The following ROBO2 variants were observed in gnomAD, a reference collection of about 807,000 sequenced individuals.
The protein encoded by ROBO2 is roundabout homolog 2.
A neutral mutation model predicts 160.8 loss-of-function variants in ROBO2; 53 were observed. That is an observed-to-expected ratio of 0.33 (90% CI 0.26 to 0.41). The LOEUF (loss-of-function observed/expected upper bound fraction) is 0.41, where lower values mean the gene tolerates loss of function less well. ROBO2 is among the 10% of genes least tolerant of loss of function. ROBO2 has a pLI of 1.00. For synonymous variants in ROBO2, 664 were observed against 611.7 expected (o/e 1.09, Z -1.26); for missense variants, 1,577 against 1,722.4 (o/e 0.92, Z 1.49).
intron 2 of ROBO2, among the ~76,000 whole-genome samples, chr3:77,425,095 T>C (rs1330942268): frequency 6.6e-6 from 1 of 151,968 alleles, no homozygotes; most frequent in Non-Finnish European, 1.5e-5. Flanking sequence ...AATTGGTAAA[T>C]ATTTTCTCTA....
chr3:77,370,227 C>T (rs1006735526), intron 2 of ROBO2, among the ~76,000 whole-genome samples: 4 of 152,168 alleles, frequency 2.6e-5, no homozygotes, highest in Non-Finnish European at 4.4e-5. Context: ...TAGATAAGTG[C>T]TTTGCTCTCC....
chr3:77,099,133 G>A (rs1199668190), intron 2 of ROBO2, among the ~76,000 whole-genome samples: 8 of 144,682 alleles, frequency 5.5e-5, no homozygotes, highest in Non-Finnish European at 7.5e-5. Flanking sequence ...GTGCAATGGC[G>A]CGATCTCTGC....
At chr3:77,387,389 A>T (rs2074249036) in intron 2 of ROBO2, among the ~76,000 whole-genome samples, 1 of 151,832 alleles carries the variant, frequency 6.6e-6, no homozygotes, top group African/African-American at 2.4e-5. Flanking sequence ...AAAAAAGAAC[A>T]TCTAATGAAA....
intron 5 of ROBO2, among the ~76,000 whole-genome samples, chr3:77,508,948 G>A (rs62251087): frequency 0.066 from 10,094 of 152,076 alleles, 477 homozygotes; most frequent in Non-Finnish European, 0.1. Context: ...GTTTGTAGTT[G>A]GGATAGACTG....
At chr3:76,878,188 CA>C (rs11417818) in intron 2 of ROBO2, among the ~76,000 whole-genome samples, 2 of 151,438 alleles carry the variant, frequency 1.3e-5, no homozygotes, top group Non-Finnish European at 2.9e-5. Flanking sequence ...ATGACGTCTT[CA>C]AAAAAAACCT....
chr3:76,756,733 A>G (rs2060993544), intron 2 of ROBO2, among the ~76,000 whole-genome samples: 1 of 151,860 alleles, frequency 6.6e-6, no homozygotes, highest in African/African-American at 2.4e-5. Flanking sequence ...TGCTCTGTCA[A>G]TCTGTTACCA....
chr3:76,140,329 G>T (rs566282794), intron 2 of ROBO2, among the ~76,000 whole-genome samples: 120 of 151,978 alleles, frequency 7.9e-4, no homozygotes, highest in African/African-American at 2.8e-3. Context: ...CACTTTTTCA[G>T]TTTTTTGGGT....
chr3:76,272,945 A>AT (rs1349793434), intron 2 of ROBO2, among the ~76,000 whole-genome samples: 4,286 of 31,878 alleles, frequency 0.13, 961 homozygotes, highest in Non-Finnish European at 0.28. Context: ...TAAATATATA[A>AT]AATATATAAT....
chr3:77,277,264 T>C (rs903292365), intron 2 of ROBO2, among the ~76,000 whole-genome samples: 7 of 151,276 alleles, frequency 4.6e-5, no homozygotes, highest in Non-Finnish European at 7.4e-5. Context: ...TGTCTTTCTG[T>C]CTTTCTTTTA....
intron 2 of ROBO2, among the ~76,000 whole-genome samples, chr3:76,398,758 G>A (rs2077635119): frequency 6.6e-6 from 1 of 151,368 alleles, no homozygotes; most frequent in African/African-American, 2.4e-5. Context: ...TATTGGTTTA[G>A]TATATTCTAT....
At chr3:77,337,583 T>A (rs1383413646) in intron 2 of ROBO2, among the ~76,000 whole-genome samples, 2 of 152,160 alleles carry the variant, frequency 1.3e-5, no homozygotes, top group South Asian at 4.1e-4. Flanking sequence ...TAAAATTATG[T>A]TTCTTATATT....
intron 2 of ROBO2, among the ~76,000 whole-genome samples, chr3:76,548,425 T>C (rs2083232802): frequency 6.6e-6 from 1 of 152,100 alleles, no homozygotes. Flanking sequence ...CAGAAGCCAA[T>C]GGCACCCTGT....
At chr3:77,532,972 T>C (rs1488016208) in intron 6 of ROBO2, among the ~76,000 whole-genome samples, 2 of 152,168 alleles carry the variant, frequency 1.3e-5, no homozygotes. Context: ...ATTAAATAAG[T>C]AATTGGTTAA....
At chr3:77,204,167 A>G (rs948287723) in intron 2 of ROBO2, among the ~76,000 whole-genome samples, 12 of 152,188 alleles carry the variant, frequency 7.9e-5, no homozygotes, top group African/African-American at 2.9e-4. Context: ...TTAATTCTTC[A>G]GTATCCTAGG....
chr3:76,850,084 G>A (rs2069185807), intron 2 of ROBO2, among the ~76,000 whole-genome samples: 1 of 152,150 alleles, frequency 6.6e-6, no homozygotes, highest in Non-Finnish European at 1.5e-5. Flanking sequence ...CTACTCAGGA[G>A]GCTGAGGCAG....
At chr3:77,539,336 C>T (rs1027865005) in intron 6 of ROBO2, among the ~76,000 whole-genome samples, 9 of 152,220 alleles carry the variant, frequency 5.9e-5, no homozygotes, top group Non-Finnish European at 1.3e-4. Flanking sequence ...ACATTTTCAA[C>T]GTTGTGTAGC....
chr3:77,244,535 A>G (rs1580329180), intron 2 of ROBO2, among the ~76,000 whole-genome samples: 2 of 152,276 alleles, frequency 1.3e-5, no homozygotes, highest in South Asian at 4.1e-4. Flanking sequence ...TCCTTCATAT[A>G]TTTTCGTTTC....
intron 6 of ROBO2, among the ~76,000 whole-genome samples, chr3:77,540,006 G>A (rs1243606998): frequency 6.6e-6 from 1 of 152,166 alleles, no homozygotes; most frequent in African/African-American, 2.4e-5. Flanking sequence ...TGAGTGTCAG[G>A]ATTGGAAAAT....
At chr3:76,903,383 C>G (rs1460032990) in intron 2 of ROBO2, among the ~76,000 whole-genome samples, 1 of 152,106 alleles carries the variant, frequency 6.6e-6, no homozygotes, top group Admixed American at 6.6e-5. Context: ...TTTCCACTCT[C>G]TCTTCAGTGG....
Sources: gnomAD v4.1 joint callset for allele counts (sites outside exome capture counted in the v4.1 genomes callset) on GRCh38, gnomAD v4.1.1 for gene constraint, MANE v1.5 for transcripts, NCBI Gene and HGNC (gene_info 2026-07-23, HGNC 2026-07-21) for gene names.